The following DCP1A variants were observed in gnomAD, a reference collection of about 807,000 sequenced individuals.
DCP1A encodes the protein decapping mRNA 1A, also known as mRNA-decapping enzyme 1A.
In DCP1A, 20 loss-of-function variants were observed where a neutral mutation model predicts 58.0. The ratio of observed to expected loss-of-function variants is 0.34; its 90% confidence interval spans 0.24 to 0.50. The LOEUF is 0.50. Among genes scored for constraint, DCP1A ranks in the 20% least tolerant of loss-of-function variants. The pLI is 0.98. For missense variants in DCP1A, 613 were observed against 712.2 expected, an observed-to-expected ratio of 0.86 and a Z score of 1.59; for synonymous variants, 285 against 275.1, an observed-to-expected ratio of 1.04 and a Z score of -0.36.
chr3:53,343,802 A>G lies in DCP1A; in HGVS notation c.176+1100T>C, dbSNP rs201969563. ...AATTTTTTGTATTTTTAGTAGAGAC[A>G]GGGTTTCACCGTGTTAGCCAGGATG... On this transcript the variant is annotated intron_variant, in intron 2 of 9. Coordinates refer to ENST00000610213, the MANE Select transcript of DCP1A (RefSeq NM_018403.7). Among the ~76,000 whole-genome samples, 31 of 152,222 alleles carry G rather than the reference A, an allele frequency of 2.0e-4. No homozygotes were observed. In the East Asian group the frequency reaches 4.6e-3, roughly 23 times the overall value.
intron 3 of DCP1A, among the ~76,000 whole-genome samples, chr3:53,341,853 T>G (rs145105231): frequency 6.6e-6 from 1 of 152,238 alleles, no homozygotes; most frequent in East Asian, 1.9e-4. Context: ...TTTTCTGTAT[T>G]TTTAGTAGAT....
At chr3:53,330,094 T>C (rs1170177835) in intron 3 of DCP1A, among the ~76,000 whole-genome samples, 1 of 152,212 alleles carries the variant, frequency 6.6e-6, no homozygotes, top group Non-Finnish European at 1.5e-5. Context: ...ACTGTCACTG[T>C]TACTAGCCCA....
intron 6 of DCP1A, among the ~76,000 whole-genome samples, chr3:53,303,478 C>T (rs1553687624): frequency 6.6e-6 from 1 of 152,070 alleles, no homozygotes; most frequent in Admixed American, 6.6e-5. Flanking sequence ...ATTGGCCAGG[C>T]TGGTTTCAAA....
At chr3:53,304,145 T>C in intron 6 of DCP1A, 32 bp downstream of exon 6, 1 of 1,503,400 alleles carries the variant, frequency 6.7e-7, no homozygotes, top group Non-Finnish European at 9.2e-7. Flanking sequence ...CTTTGTTACT[T>C]AGGACAAAGC....
intron 1 of DCP1A, 139 bp from the exon 2 acceptor site, chr3:53,345,081 T>C (rs2089276281): frequency 3.0e-6 from 2 of 656,912 alleles, no homozygotes; most frequent in Admixed American, 3.4e-5. Flanking sequence ...TTTGAACAGG[T>C]AAAGTCTCCC....
Position 53,292,248 on chromosome 3 carries a change from G to A in DCP1A, c.1204C>T (p.Pro402Ser). The A allele has an allele frequency of 6.2e-7, 1 of 1,613,988 alleles. No homozygotes were observed. The highest frequency in any genetic ancestry group is 1.3e-5 in the African/African-American group (1 of 75,038). ...VDLLQKLRLT[P>S]QHDQIQTQPL... ...TGTGTCTGTATTTGGTCATGCTGTG[G>A]GGTCAACCTGAGTTTCTGGAGAAGA... The change falls in exon 7 of 10, where the codon CCA becomes TCA. Residue 402 changes from proline (P) to serine (S), a missense_variant. By Grantham distance (74) the Pro-to-Ser change is moderately conservative. This residue lies in a region of DCP1A where 498 missense variants were observed against 556.7 expected (regional missense o/e 0.89). Coordinates refer to ENST00000610213, the MANE Select transcript of DCP1A (RefSeq NM_018403.7).
At chr3:53,297,197 T>C (rs1553686866) in intron 6 of DCP1A, among the ~76,000 whole-genome samples, 1 of 152,222 alleles carries the variant, frequency 6.6e-6, no homozygotes, top group Non-Finnish European at 1.5e-5. Flanking sequence ...CATCTTTTCA[T>C]GTGCTTATTG....
In DCP1A at chr3:53,290,096, G is replaced by A. The variant is rs1268563495; in HGVS notation, c.1449+695C>T. Among the ~76,000 whole-genome samples, 4 of 152,218 alleles carry A rather than the reference G, an allele frequency of 2.6e-5. No individual in the cohort carries two copies. In the East Asian group the frequency reaches 7.7e-4, roughly 29 times the overall value. On this transcript the variant is annotated intron_variant, in intron 8 of 9. Coordinates refer to ENST00000610213, the MANE Select transcript of DCP1A (RefSeq NM_018403.7). Reference sequence around the variant, plus strand: ...TTCCCATTTAAACTCCAAGACTCAAGGAGGGTACAAAGGCTCAAAGGAAAA... The same window carrying A: ...TTCCCATTTAAACTCCAAGACTCAAAGAGGGTACAAAGGCTCAAAGGAAAA...
In DCP1A at chr3:53,312,359, C is replaced by T. The variant is rs375482000; in HGVS notation, c.392G>A (p.Arg131Gln). The change falls in exon 5 of 10, where the codon CGG (arginine) becomes CAG (glutamine). Residue 131 changes from arginine to glutamine, a missense_variant. Transcript: ENST00000610213. ...GTCCCGAGCAGCTTGCTGGGATCGC[C>T]GTGTCTCCTCTTCTACCACACTAGA... The part of the protein sequence containing the change: ...LMADVVEEET[R>Q]RSQQAARDKQ... The T allele has an allele frequency of 2.4e-5, 39 of 1,609,368 alleles. No homozygotes were observed. Among genetic ancestry groups the T allele is most frequent in the Non-Finnish European group, 2.9e-5 (34 of 1,178,198 alleles).
At chr3:53,346,429 T>G (rs1470418071) in intron 1 of DCP1A, among the ~76,000 whole-genome samples, 2 of 152,224 alleles carry the variant, frequency 1.3e-5, no homozygotes, top group Non-Finnish European at 2.9e-5. Flanking sequence ...TCTGTCAGTT[T>G]AAGGATTTCG....
At chr3:53,326,660 G>A (rs1403533131) in intron 3 of DCP1A, among the ~76,000 whole-genome samples, 2 of 152,194 alleles carry the variant, frequency 1.3e-5, no homozygotes, top group African/African-American at 4.8e-5. Context: ...GGCTCCTTAT[G>A]AGAATCTAAT....
At chr3:53,322,466 A>T (rs1020493270) in intron 3 of DCP1A, among the ~76,000 whole-genome samples, 2 of 150,756 alleles carry the variant, frequency 1.3e-5, no homozygotes, top group South Asian at 4.4e-4. Context: ...AAAAAAAAAA[A>T]TTATATATAT....
chr3:53,329,131 C>T (rs551706315), intron 3 of DCP1A: 9 of 382,692 alleles, frequency 2.4e-5, no homozygotes, highest in East Asian at 3.7e-5. Flanking sequence ...AAATTTCTTG[C>T]GCTGTGCTTT....
At chr3:53,287,699 A>G in intron 9 of DCP1A, 39 bp from the exon 10 acceptor site, 1 of 1,420,480 alleles carries the variant, frequency 7.0e-7, no homozygotes, top group Non-Finnish European at 9.9e-7. Flanking sequence ...CGAATGCCAC[A>G]TTTACCTCAT....
chr3:53,335,405 G>A (rs143063725), intron 3 of DCP1A, among the ~76,000 whole-genome samples: 1,930 of 152,214 alleles, frequency 0.013, 38 homozygotes, highest in African/African-American at 0.044. Context: ...GCCTCCCAAA[G>A]TGCTGGGATT....
At chr3:53,297,401 C>T (rs570451783) in intron 6 of DCP1A, among the ~76,000 whole-genome samples, 1 of 151,056 alleles carries the variant, frequency 6.6e-6, no homozygotes, top group Admixed American at 6.6e-5. Flanking sequence ...CTTGCTGTCA[C>T]CCAGGCTGGA....
At chr3:53,339,671 C>G (rs1338826867) in intron 3 of DCP1A, among the ~76,000 whole-genome samples, 2 of 152,272 alleles carry the variant, frequency 1.3e-5, no homozygotes, top group Non-Finnish European at 2.9e-5. Flanking sequence ...ACTCATGGTT[C>G]AATTACATTT....
intron 5 of DCP1A, among the ~76,000 whole-genome samples, chr3:53,309,100 G>T (rs955771157): frequency 6.6e-6 from 1 of 152,106 alleles, no homozygotes; most frequent in Non-Finnish European, 1.5e-5. Context: ...GGCTAGGTAC[G>T]GTGGCTCACG....
chr3:53,291,430 A>G (rs1196178934), intron 7 of DCP1A, among the ~76,000 whole-genome samples: 1 of 142,160 alleles, frequency 7.0e-6, no homozygotes, highest in East Asian at 2.0e-4. Context: ...TATTCATTCT[A>G]TTTTTTTTTT....
Sources: gnomAD v4.1 joint callset for allele counts (sites outside exome capture counted in the v4.1 genomes callset) on GRCh38, gnomAD v4.1.1 for gene constraint, gnomAD v4.1.1 regional missense constraint, MANE v1.5 for transcripts, NCBI Gene and HGNC (gene_info 2026-07-23, HGNC 2026-07-21) for gene names.